The following MPPED1 variants were observed in gnomAD, a reference collection of about 807,000 sequenced individuals.
MPPED1 encodes the protein metallophosphoesterase domain-containing protein 1.
A neutral mutation model predicts 36.2 loss-of-function variants in MPPED1; 16 were observed. The ratio of observed to expected loss-of-function variants is 0.44; its 90% CI spans 0.30 to 0.67. The LOEUF (loss-of-function observed/expected upper bound fraction) is 0.67. Among genes scored for constraint, MPPED1 ranks in the 30% least tolerant of loss-of-function variants. MPPED1 has a pLI of 0.10. For missense variants in MPPED1, 307 were observed against 453.4 expected (o/e 0.68, Z 2.93); for synonymous variants, 199 against 191.3 (o/e 1.04, Z -0.33).
chr22:43,434,459 T>C (rs1250334736), intron 2 of MPPED1, among the ~76,000 whole-genome samples: 1 of 152,252 alleles, frequency 6.6e-6, no homozygotes, highest in Non-Finnish European at 1.5e-5. Context: ...CCACAGGCTT[T>C]ACTCCATGCG....
chr22:43,479,445 G>A (rs961293104), intron 4 of MPPED1, among the ~76,000 whole-genome samples: 2 of 152,220 alleles, frequency 1.3e-5, no homozygotes, highest in Non-Finnish European at 2.9e-5. Context: ...GGAGGTAGAC[G>A]GCAGAGCAGA....
At chr22:43,489,126 G>C (rs28672990) in intron 4 of MPPED1, among the ~76,000 whole-genome samples, 59,558 of 152,098 alleles carry the variant, frequency 0.39, 12,469 homozygotes, top group East Asian at 0.55. Flanking sequence ...CGGTCACGGT[G>C]GTTGATCCCA....
intron 3 of MPPED1, 119 bp downstream of exon 3, chr22:43,435,334 G>A: frequency 8.9e-7 from 1 of 1,129,548 alleles, no homozygotes; most frequent in Admixed American, 2.4e-5. Context: ...TCCTTGGCCT[G>A]TGCCTGCCTG....
In MPPED1 at chr22:43,412,063, C is replaced by T; in HGVS notation, c.-174C>T. 3 of 979,140 alleles carry T rather than the reference C, an allele frequency of 3.1e-6. No individual in the cohort carries two copies. The highest frequency in any genetic ancestry group is 3.6e-6 in the Non-Finnish European group (3 of 827,332). The allele number at this position is 979,140 out of a possible 1,614,324, so 60.7% of individuals were successfully genotyped here. The stretch of plus-strand genomic sequence containing the variant: ...AGGCGGCCGCCGCCGGAGGAGCCCC[C>T]GCCCCTGCGCGCCTCCCTCCCGGGA... On this transcript the variant is annotated 5_prime_UTR_variant, in exon 1 of 7. Coordinates refer to ENST00000443721, the MANE Select transcript of MPPED1 (RefSeq NM_001044370.2).
intron 3 of MPPED1, among the ~76,000 whole-genome samples, chr22:43,455,135 A>G (rs1322417372): frequency 2.6e-5 from 1 of 38,048 alleles, no homozygotes; most frequent in Non-Finnish European, 4.6e-5. Flanking sequence ...TTTGAGACGA[A>G]GTCTTACTCT....
chr22:43,475,107 C>G, intron 4 of MPPED1, 146 bp downstream of exon 4: 4 of 680,122 alleles, frequency 5.9e-6, no homozygotes, highest in Middle Eastern at 3.8e-4. Context: ...TCTGTGTGAC[C>G]TAGGCAGGTC....
At chr22:43,432,392 GAA>G (rs1929731300) in intron 2 of MPPED1, among the ~76,000 whole-genome samples, 1 of 122,756 alleles carries the variant, frequency 8.1e-6, no homozygotes, top group Non-Finnish European at 1.7e-5. Context: ...GAGAGAGAGA[GAA>G]ACGGAGGAGA....
intron 3 of MPPED1, among the ~76,000 whole-genome samples, chr22:43,465,056 G>A (rs931533408): frequency 2.6e-5 from 4 of 152,212 alleles, no homozygotes; most frequent in Non-Finnish European, 5.9e-5. Flanking sequence ...AATTGAAAGA[G>A]CTCTCAGAGG....
intron 4 of MPPED1, among the ~76,000 whole-genome samples, chr22:43,495,504 AGGTGGTGGTGGTGGTG>A (rs1433367373): frequency 1.0e-4 from 1 of 9,570 alleles, no homozygotes; most frequent in Non-Finnish European, 1.7e-4. Context: ...GTGGTGGTGG[AGGTGGTGGTGGTGGTG>A]GAGGTGGTGG....
Position 43,441,453 on chromosome 22 carries a change from A to G in MPPED1, c.406+6238A>G, listed in dbSNP as rs765131318. ...TGTGAGCCACTCCAGGGCGGAGACC[A>G]TACCCTGGTCAGCACGGGTCCTCAG... On this transcript the variant is annotated intron_variant, in intron 3 of 6. Coordinates refer to ENST00000443721, the MANE Select transcript of MPPED1 (RefSeq NM_001044370.2). Among the ~76,000 whole-genome samples, 13 of 152,260 alleles carry G rather than the reference A, an allele frequency of 8.5e-5. No individual in the cohort carries two copies. The South Asian group carries it at 1.0e-3, about 12-fold the overall frequency.
chr22:43,480,089 C>T (rs1931701699), intron 4 of MPPED1, among the ~76,000 whole-genome samples: 1 of 152,156 alleles, frequency 6.6e-6, no homozygotes, highest in Non-Finnish European at 1.5e-5. Flanking sequence ...ATTTCAAACT[C>T]CTGGGCTCAA....
intron 3 of MPPED1, among the ~76,000 whole-genome samples, chr22:43,456,458 A>T (rs933039163): frequency 1.3e-5 from 2 of 152,020 alleles, no homozygotes; most frequent in African/African-American, 4.8e-5. Flanking sequence ...GCTCTTTGTC[A>T]GGTTCAGAAG....
At chr22:43,500,989 C>G (rs986389123) in intron 5 of MPPED1, among the ~76,000 whole-genome samples, 1 of 152,108 alleles carries the variant, frequency 6.6e-6, no homozygotes, top group Non-Finnish European at 1.5e-5. Context: ...TTGAGTGTCA[C>G]TGGCTCACAC....
chr22:43,447,859 T>TATATATATATATATATATATA (rs1421264893), intron 3 of MPPED1, among the ~76,000 whole-genome samples: 2 of 62,522 alleles, frequency 3.2e-5, no homozygotes, highest in African/African-American at 1.1e-4. Flanking sequence ...TATGTAAATA[T>TATATATATATATATATATATA]TATATATATA....
chr22:43,447,883 A>ATATATATATTTT (rs1321289636), intron 3 of MPPED1, among the ~76,000 whole-genome samples: 48 of 67,704 alleles, frequency 7.1e-4, no homozygotes, highest in Non-Finnish European at 1.0e-3. Flanking sequence ...ATATATATAT[A>ATATATATATTTT]TTTTTTTTTT....
At chr22:43,413,261 C>T (rs1218077955) in intron 1 of MPPED1, among the ~76,000 whole-genome samples, 2 of 149,490 alleles carry the variant, frequency 1.3e-5, no homozygotes, top group Admixed American at 1.3e-4. Context: ...TGTTGAATGG[C>T]GGAGCTGGCT....
chr22:43,490,812 C>T (rs1932057953), intron 4 of MPPED1, among the ~76,000 whole-genome samples: 1 of 152,218 alleles, frequency 6.6e-6, no homozygotes, highest in African/African-American at 2.4e-5. Context: ...TTCCCAGAAG[C>T]ACCTTACCCA....
At chr22:43,471,953 GGCCAGGGCCA>G (rs1362215352) in intron 3 of MPPED1, among the ~76,000 whole-genome samples, 1 of 152,206 alleles carries the variant, frequency 6.6e-6, no homozygotes, top group Non-Finnish European at 1.5e-5. Context: ...AAGAACCTCG[GGCCAGGGCCA>G]GGCTGTTCCC....
chr22:43,464,324 TGTG>T (rs1931086253), intron 3 of MPPED1, among the ~76,000 whole-genome samples: 1 of 144,230 alleles, frequency 6.9e-6, no homozygotes, highest in Admixed American at 6.8e-5. Context: ...TGTGTGTGTG[TGTG>T]TGTGTGTGGT....
Sources: gnomAD v4.1 joint callset for allele counts (sites outside exome capture counted in the v4.1 genomes callset) on GRCh38, gnomAD v4.1.1 for gene constraint, MANE v1.5 for transcripts, NCBI Gene and HGNC (gene_info 2026-07-23, HGNC 2026-07-21) for gene names.